VAT1L: variants seen among roughly 807,000 people sequenced by gnomAD.
The protein encoded by VAT1L is vesicle amine transport 1 like, also known as putative NADPH-dependent quinone oxidoreductase VAT1L.
Under a neutral mutation model 44.1 loss-of-function variants are expected in VAT1L, and 34 were observed. That is an observed-to-expected ratio of 0.77 (90% CI 0.59 to 1.03). VAT1L has a LOEUF of 1.03. VAT1L is among the 50% of genes least tolerant of loss of function. VAT1L has a pLI of 0.00. For missense variants in VAT1L, 615 were observed against 538.8 expected, an observed-to-expected ratio of 1.14 and a Z score of -1.40; for synonymous variants, 253 against 202.2, an observed-to-expected ratio of 1.25 and a Z score of -2.13.
intron 8 of VAT1L, among the ~76,000 whole-genome samples, chr16:77,975,353 G>C (rs2018327350): frequency 6.6e-6 from 1 of 151,698 alleles, no homozygotes; most frequent in Admixed American, 6.6e-5. Flanking sequence ...GGGATTAGAG[G>C]TGCTCACCAC....
At chr16:77,927,090 G>A (rs2017677692) in intron 7 of VAT1L, among the ~76,000 whole-genome samples, 1 of 152,102 alleles carries the variant, frequency 6.6e-6, no homozygotes, top group South Asian at 2.1e-4. Context: ...TGTAATCCCA[G>A]CATTTTGGGA....
rs189758883 is a variant in VAT1L, at chr16:77,926,171, T to A, written c.1077+41369T>A. Reference sequence around the variant, plus strand: ...AGGAGGCTGAGGCAGGAGAGTGGCGTGAACCCGGGAGGCGGAGCTTGCAGT... The same window carrying A: ...AGGAGGCTGAGGCAGGAGAGTGGCGAGAACCCGGGAGGCGGAGCTTGCAGT... On this transcript the variant is annotated intron_variant, in intron 7 of 8. Coordinates refer to ENST00000302536, the MANE Select transcript of VAT1L (RefSeq NM_020927.3). 6.6e-3 allele frequency among the ~76,000 whole-genome samples: 973 copies of A among 148,080 alleles called. 19 individuals are homozygous for A. The highest frequency in any genetic ancestry group is 0.023 in the African/African-American group (936 of 39,938).
chr16:77,788,756 C>T lies in VAT1L; in HGVS notation c.74C>T (p.Ala25Val). 1 of 1,561,694 alleles carries T rather than the reference C, an allele frequency of 6.4e-7. No individual in the cohort carries two copies. ...GAGAAGGAGGCAGGCAAGGAGCCGG[C>T]GGAGGGCGGCGGCGGCGACGGCTCG... ...MIEKEAGKEPAEGGGGDGSHR... is the reference protein window; with the variant it reads ...MIEKEAGKEPVEGGGGDGSHR... Residue 25 changes from alanine (A) to valine (V), a missense_variant, in exon 1 of 9, where the codon GCG becomes GTG. Coordinates refer to ENST00000302536, the MANE Select transcript of VAT1L (RefSeq NM_020927.3).
intron 1 of VAT1L, among the ~76,000 whole-genome samples, chr16:77,799,571 G>A (rs1446717025): frequency 6.7e-6 from 1 of 150,056 alleles, no homozygotes; most frequent in African/African-American, 2.5e-5. Context: ...TGTATTGGGG[G>A]AAAAGGAGAG....
intron 7 of VAT1L, among the ~76,000 whole-genome samples, chr16:77,945,527 C>T (rs746482129): frequency 3.3e-5 from 5 of 151,844 alleles, no homozygotes; most frequent in African/African-American, 7.3e-5. Flanking sequence ...TGGCCTCAAG[C>T]GATTGTCCTG....
rs144646073 is a variant in VAT1L at position 77,839,513 on chromosome 16, G to A, written c.579+14052G>A. ...ATCGCGCCACTGCACTCCAGCCTGGGCGACAGAGAGATACTCCATATCAAA... is the reference window on the plus strand; with the variant it reads ...ATCGCGCCACTGCACTCCAGCCTGGACGACAGAGAGATACTCCATATCAAA... On this transcript the variant is annotated intron_variant, in intron 3 of 8. Coordinates refer to ENST00000302536, the MANE Select transcript of VAT1L (RefSeq NM_020927.3). Among the ~76,000 whole-genome samples the A allele has an allele frequency of 9.1e-3, 1,114 of 122,072 alleles. 17 individuals carry two copies. Among genetic ancestry groups the A allele is most frequent in the African/African-American group, 0.034 (1,055 of 31,062 alleles). The allele number at this position is 122,072 out of a possible 152,430, so 80.1% of individuals were successfully genotyped here. A position where few individuals can be genotyped will look rare whatever the true frequency, so the allele number is the denominator to read the frequency against.
chr16:77,971,641 C>G (rs1227094415), intron 7 of VAT1L, among the ~76,000 whole-genome samples: 6 of 151,974 alleles, frequency 3.9e-5, no homozygotes, highest in Non-Finnish European at 8.8e-5. Flanking sequence ...CTTTTCCGAC[C>G]CAGAAGATGT....
At chr16:77,952,870 A>AAAAAAAAAAAAAAAAAC (rs1236822183) in intron 7 of VAT1L, among the ~76,000 whole-genome samples, 1 of 151,324 alleles carries the variant, frequency 6.6e-6, no homozygotes, top group Non-Finnish European at 1.5e-5. Flanking sequence ...AAAAAAAAAA[A>AAAAAAAAAAAAAAAAAC]AAAAAGCTGT....
intron 4 of VAT1L, among the ~76,000 whole-genome samples, chr16:77,871,864 G>C (rs553624762): frequency 6.6e-6 from 1 of 152,294 alleles, no homozygotes; most frequent in Non-Finnish European, 1.5e-5. Flanking sequence ...TTCTGGGCTG[G>C]TGTCTCCACC....
chr16:77,837,732 T>C (rs1032672288), intron 3 of VAT1L, among the ~76,000 whole-genome samples: 11 of 152,198 alleles, frequency 7.2e-5, no homozygotes, highest in African/African-American at 2.7e-4. Context: ...GTACTTTAAC[T>C]TCCTTGGACT....
chr16:77,841,981 G>A (rs1366064379), intron 3 of VAT1L, among the ~76,000 whole-genome samples: 5 of 151,820 alleles, frequency 3.3e-5, no homozygotes, highest in African/African-American at 7.3e-5. Flanking sequence ...TCCACCTCCC[G>A]GGTTCACGCC....
intron 7 of VAT1L, among the ~76,000 whole-genome samples, chr16:77,894,276 G>C (rs2017298350): frequency 6.6e-6 from 1 of 152,230 alleles, no homozygotes; most frequent in South Asian, 2.1e-4. Context: ...ATTAGTGTCA[G>C]CTGCTGCTGA....
intron 7 of VAT1L, among the ~76,000 whole-genome samples, chr16:77,930,326 T>TG (rs2017714968): frequency 6.6e-6 from 1 of 152,182 alleles, no homozygotes; most frequent in African/African-American, 2.4e-5. Context: ...TGATGTTCTT[T>TG]GGGGGGACAT....
chr16:77,949,215 G>A (rs150849269), intron 7 of VAT1L, among the ~76,000 whole-genome samples: 2 of 152,282 alleles, frequency 1.3e-5, no homozygotes, highest in African/African-American at 4.8e-5. Context: ...GTGGAGATTA[G>A]AGCCAAGATC....
intron 1 of VAT1L, among the ~76,000 whole-genome samples, chr16:77,812,221 C>T (rs1222094763): frequency 2.6e-5 from 4 of 151,828 alleles, no homozygotes; most frequent in Admixed American, 6.6e-5. Flanking sequence ...TATAGGCGTG[C>T]GCTATCACGC....
At position 77,819,631 on chromosome 16, in the gene VAT1L, C is replaced by T. The variant is rs139901129; in HGVS notation, c.363+2581C>T. On this transcript the variant is annotated intron_variant, in intron 2 of 8. Coordinates refer to ENST00000302536, the MANE Select transcript of VAT1L (RefSeq NM_020927.3). ...CTCCTGACCTCAGGTGATCCACCCG[C>T]CTCAACCTCCCAAAGTGCTGGGATT... Among the ~76,000 whole-genome samples, 348 of 152,314 alleles carry T rather than the reference C, an allele frequency of 2.3e-3. 5 individuals carry two copies. Among genetic ancestry groups the T allele is most frequent in the African/African-American group, 8.0e-3 (332 of 41,570 alleles).
intron 8 of VAT1L, among the ~76,000 whole-genome samples, chr16:77,973,021 T>A (rs1335582829): frequency 6.6e-6 from 1 of 151,728 alleles, no homozygotes; most frequent in African/African-American, 2.4e-5. Flanking sequence ...ATAAAACCCT[T>A]ATATCCCAGG....
chr16:77,818,434 C>A (rs761182582), intron 2 of VAT1L, among the ~76,000 whole-genome samples: 9 of 152,092 alleles, frequency 5.9e-5, no homozygotes, highest in Non-Finnish European at 8.8e-5. Context: ...TTTTTGTCCC[C>A]AGGTAAGCAG....
At chr16:77,880,660 T>G (rs1302679058) in intron 6 of VAT1L, among the ~76,000 whole-genome samples, 1 of 150,142 alleles carries the variant, frequency 6.7e-6, no homozygotes, top group African/African-American at 2.5e-5. Context: ...GCAGGTTTTT[T>G]GCCCGGGTAT....
Sources: allele counts gnomAD v4.1 joint callset (sites outside exome capture counted in the v4.1 genomes callset), GRCh38; gene constraint gnomAD v4.1.1; transcripts MANE v1.5; gene names NCBI Gene and HGNC (gene_info 2026-07-23, HGNC 2026-07-21).